PDE10A: variants seen among roughly 807,000 people sequenced by gnomAD.
The protein encoded by PDE10A is phosphodiesterase 10A.
Under a neutral mutation model 97.7 loss-of-function variants are expected in PDE10A, and 39 were observed. The ratio of observed to expected loss-of-function variants is 0.40; its 90% CI spans 0.31 to 0.52. The LOEUF (loss-of-function observed/expected upper bound fraction) is 0.52. Among genes scored for constraint, PDE10A ranks in the 20% least tolerant of loss-of-function variants. The probability of loss-of-function intolerance (pLI) is 0.56; values close to 1 mark genes in which losing one functional copy is unlikely to be tolerated. For missense variants in PDE10A, 731 were observed against 1,047.8 expected (o/e 0.70, Z 4.17); for synonymous variants, 371 against 376.8 (o/e 0.98, Z 0.18).
intron 18 of PDE10A, among the ~76,000 whole-genome samples, chr6:165,348,419 T>C (rs1045812328): frequency 2.7e-4 from 41 of 152,368 alleles, no homozygotes; most frequent in Admixed American, 9.8e-4. Flanking sequence ...CTGGTTCTAT[T>C]TAGCCATAAT....
At chr6:165,822,280 G>A (rs1274779801) in intron 1 of PDE10A, among the ~76,000 whole-genome samples, 5 of 142,456 alleles carry the variant, frequency 3.5e-5, no homozygotes, top group Admixed American at 2.8e-4. Context: ...CCACACACCT[G>A]GGCTGGATGG....
chr6:165,753,301 C>T (rs180694171), intron 1 of PDE10A, among the ~76,000 whole-genome samples: 246 of 152,282 alleles, frequency 1.6e-3, no homozygotes, highest in Non-Finnish European at 9.6e-4. Flanking sequence ...CCCAGGGAGT[C>T]CACGGCAGGC....
At chr6:165,367,941 A>G (rs1783922769) in intron 18 of PDE10A, among the ~76,000 whole-genome samples, 1 of 152,242 alleles carries the variant, frequency 6.6e-6, no homozygotes, top group African/African-American at 2.4e-5. Flanking sequence ...TTAATGAATT[A>G]AAAACAGAGG....
chr6:165,353,060 T>C (rs1165833448), intron 18 of PDE10A, among the ~76,000 whole-genome samples: 3 of 152,126 alleles, frequency 2.0e-5, no homozygotes, highest in Admixed American at 2.0e-4. Context: ...TAAAAATATA[T>C]ATAAAGATGG....
upstream of PDE10A, among the ~76,000 whole-genome samples, chr6:165,668,221 G>C (rs1283952212): frequency 6.6e-6 from 1 of 152,188 alleles, no homozygotes; most frequent in Admixed American, 6.5e-5. Context: ...AATAGAAAGA[G>C]GTCATAGAGG....
chr6:165,409,887 A>C (rs1349695314), intron 13 of PDE10A, among the ~76,000 whole-genome samples: 3 of 87,096 alleles, frequency 3.4e-5, no homozygotes, highest in African/African-American at 1.3e-4. Context: ...ACTTTTCAGA[A>C]GTTTTTTTTT....
chr6:165,442,533 G>A (rs221753), intron 5 of PDE10A, among the ~76,000 whole-genome samples: 47,470 of 151,974 alleles, frequency 0.31, 7,816 homozygotes, highest in African/African-American at 0.4. Flanking sequence ...AGTGCAAGGC[G>A]GGAAGTGCCA....
intron 3 of PDE10A, among the ~76,000 whole-genome samples, chr6:165,456,817 C>T (rs1222639536): frequency 1.3e-5 from 2 of 152,116 alleles, no homozygotes; most frequent in Admixed American, 1.3e-4. Context: ...CCTTTTGTTG[C>T]TCATTATAAC....
intron 3 of PDE10A, among the ~76,000 whole-genome samples, chr6:165,467,255 C>A (rs1583341219): frequency 6.6e-6 from 1 of 152,184 alleles, no homozygotes; most frequent in Non-Finnish European, 1.5e-5. Context: ...GAAGCTGCAG[C>A]AAGTTATCCA....
At chr6:165,336,755 CA>C (rs776243789) in intron 20 of PDE10A, among the ~76,000 whole-genome samples, 6,167 of 50,428 alleles carry the variant, frequency 0.12, 39 homozygotes, top group South Asian at 0.15. Flanking sequence ...GACTCCGTCT[CA>C]AAAAAAAAAA....
chr6:165,878,271 C>G (rs1351814317), intron 1 of PDE10A, among the ~76,000 whole-genome samples: 1 of 152,104 alleles, frequency 6.6e-6, no homozygotes, highest in East Asian at 1.9e-4. Context: ...TGAATATTTC[C>G]CCCTGCTAAG....
intron 1 of PDE10A, among the ~76,000 whole-genome samples, chr6:165,554,965 T>G (rs1486225782): frequency 6.6e-6 from 1 of 152,016 alleles, no homozygotes; most frequent in Non-Finnish European, 1.5e-5. Flanking sequence ...ATCTAAAAAT[T>G]AAAATAACTG....
chr6:165,685,374 C>T (rs957171317), intron 1 of PDE10A, among the ~76,000 whole-genome samples: 4 of 151,768 alleles, frequency 2.6e-5, no homozygotes, highest in African/African-American at 9.7e-5. Flanking sequence ...ATGCATCCTT[C>T]TGCTTGGGGC....
intron 1 of PDE10A, among the ~76,000 whole-genome samples, chr6:165,884,678 T>C (rs1321406583): frequency 6.6e-6 from 1 of 152,228 alleles, no homozygotes; most frequent in Non-Finnish European, 1.5e-5. Context: ...ATGACTGAAA[T>C]GAATTTTATG....
chr6:165,806,946 C>T (rs79220011), intron 1 of PDE10A, among the ~76,000 whole-genome samples: 2,361 of 152,286 alleles, frequency 0.016, 56 homozygotes, highest in African/African-American at 0.054. Context: ...ACTCAGTGAG[C>T]ACATCTGTGT....
intron 1 of PDE10A, among the ~76,000 whole-genome samples, chr6:165,860,377 G>A (rs779433891): frequency 2.0e-5 from 3 of 152,152 alleles, no homozygotes; most frequent in Non-Finnish European, 2.9e-5. Context: ...CGCTGAACCC[G>A]GGAGGCAGAG....
intron 3 of PDE10A, among the ~76,000 whole-genome samples, chr6:165,460,563 T>C (rs963373853): frequency 2.0e-5 from 3 of 152,176 alleles, no homozygotes; most frequent in Non-Finnish European, 2.9e-5. Flanking sequence ...GGAGCAGACA[T>C]TTCCATCATT....
chr6:165,610,752 A>G (rs1414983519), intron 1 of PDE10A, among the ~76,000 whole-genome samples: 1 of 152,174 alleles, frequency 6.6e-6, no homozygotes, highest in Non-Finnish European at 1.5e-5. Context: ...GTGGCCTTCA[A>G]AACTTTTCTG....
intron 10 of PDE10A, among the ~76,000 whole-genome samples, chr6:165,424,281 G>T (rs220810): frequency 0.094 from 14,313 of 152,222 alleles, 885 homozygotes; most frequent in Middle Eastern, 0.22. Context: ...TAGTTATGTT[G>T]ATATTTGGCT....
Sources: allele counts gnomAD v4.1 joint callset (sites outside exome capture counted in the v4.1 genomes callset), GRCh38; gene constraint gnomAD v4.1.1; transcripts MANE v1.5; gene names NCBI Gene and HGNC (gene_info 2026-07-23, HGNC 2026-07-21).